Variants in HS6ST3 observed in about 807,000 individuals in gnomAD.
The protein encoded by HS6ST3 is heparan-sulfate 6-O-sulfotransferase 3.
Under a neutral mutation model 36.7 loss-of-function variants are expected in HS6ST3, and 12 were observed. That is an observed-to-expected ratio of 0.33 (90% CI 0.21 to 0.53). The LOEUF (loss-of-function observed/expected upper bound fraction) is 0.53, where lower values mean the gene tolerates loss of function less well. Among genes scored for constraint, HS6ST3 ranks in the 20% least tolerant of loss-of-function variants. HS6ST3 has a pLI of 0.95. For synonymous variants in HS6ST3, 240 were observed against 257.5 expected (o/e 0.93, Z 0.65); for missense variants, 584 against 640.9 (o/e 0.91, Z 0.96).
At chr13:96,697,623 G>GA (rs1426860334) in intron 1 of HS6ST3, among the ~76,000 whole-genome samples, 1 of 152,112 alleles carries the variant, frequency 6.6e-6, no homozygotes, top group African/African-American at 2.4e-5. Context: ...TGTCCAGATA[G>GA]AAAATGTTAA....
intron 1 of HS6ST3, among the ~76,000 whole-genome samples, chr13:96,196,390 G>C (rs1488512593): frequency 2.6e-5 from 4 of 152,116 alleles, no homozygotes; most frequent in Non-Finnish European, 5.9e-5. Context: ...TCTCCCCCGA[G>C]AATGTCTCCT....
intron 1 of HS6ST3, among the ~76,000 whole-genome samples, chr13:96,816,560 A>T (rs1461562309): frequency 1.3e-5 from 2 of 152,312 alleles, no homozygotes; most frequent in Middle Eastern, 3.4e-3. Context: ...TGAATGTGGA[A>T]GCATGATGCG....
At chr13:96,459,543 A>G (rs1041937043) in intron 1 of HS6ST3, among the ~76,000 whole-genome samples, 2 of 152,182 alleles carry the variant, frequency 1.3e-5, no homozygotes, top group African/African-American at 4.8e-5. Context: ...CTATCGGGGT[A>G]GGCACGCAGT....
At chr13:96,540,510 A>G (rs1594802910) in intron 1 of HS6ST3, among the ~76,000 whole-genome samples, 3 of 151,860 alleles carry the variant, frequency 2.0e-5, no homozygotes, top group Non-Finnish European at 2.9e-5. Flanking sequence ...ATGTCTTCCA[A>G]CCCTCCTCCC....
At chr13:96,535,642 G>A (rs148190749) in intron 1 of HS6ST3, among the ~76,000 whole-genome samples, 1 of 152,130 alleles carries the variant, frequency 6.6e-6, no homozygotes, top group East Asian at 1.9e-4. Context: ...TGGAGATCTG[G>A]TTCTTCATCA....
chr13:96,430,413 A>C (rs186894858), intron 1 of HS6ST3, among the ~76,000 whole-genome samples: 1 of 152,146 alleles, frequency 6.6e-6, no homozygotes, highest in Non-Finnish European at 1.5e-5. Context: ...ATACCTTTCC[A>C]GGACGGTGTC....
chr13:96,259,585 T>A (rs2139382211), intron 1 of HS6ST3, among the ~76,000 whole-genome samples: 1 of 152,306 alleles, frequency 6.6e-6, no homozygotes, highest in Non-Finnish European at 1.5e-5. Flanking sequence ...ACATTTTGTA[T>A]TTTCTTGTGA....
intron 1 of HS6ST3, among the ~76,000 whole-genome samples, chr13:96,710,044 C>T (rs1166215594): frequency 6.6e-6 from 1 of 152,180 alleles, no homozygotes; most frequent in Non-Finnish European, 1.5e-5. Context: ...TGTGCTGTTT[C>T]TCAGTCACCT....
chr13:96,415,317 T>C (rs1180717764), intron 1 of HS6ST3, among the ~76,000 whole-genome samples: 1 of 152,144 alleles, frequency 6.6e-6, no homozygotes, highest in Non-Finnish European at 1.5e-5. Context: ...CAGGAATCCA[T>C]GAGAAGCCCC....
In HS6ST3 at chr13:96,793,215, G is replaced by A. The variant is rs898250886; in HGVS notation, c.708-39275G>A. Among the ~76,000 whole-genome samples the A allele has an allele frequency of 1.2e-4, 18 of 152,040 alleles. 1 individual carries two copies. In the South Asian group the frequency reaches 2.7e-3, roughly 23 times the overall value. ...TGCCCTCTTTGTATCCTCTCACTCC[G>A]ACAGGCTGTACTGAGAAGAACAGCT... is the stretch of plus-strand genomic sequence containing the variant. On this transcript the variant is annotated intron_variant, in intron 1 of 1. Transcript: ENST00000376705.
intron 1 of HS6ST3, among the ~76,000 whole-genome samples, chr13:96,454,887 AC>A (rs1197873845): frequency 4.1e-5 from 6 of 145,424 alleles, no homozygotes; most frequent in African/African-American, 9.9e-5. Flanking sequence ...AAAAAAAAAA[AC>A]ATACGCCTTT....
At chr13:96,162,409 G>A (rs958371298) in intron 1 of HS6ST3, among the ~76,000 whole-genome samples, 5 of 152,158 alleles carry the variant, frequency 3.3e-5, no homozygotes, top group East Asian at 1.9e-4. Context: ...AGGCGACAGC[G>A]CCACTGAATA....
chr13:96,775,400 G>A (rs1307450300), intron 1 of HS6ST3, among the ~76,000 whole-genome samples: 1 of 151,850 alleles, frequency 6.6e-6, no homozygotes, highest in African/African-American at 2.4e-5. Flanking sequence ...ATTGGATAAC[G>A]AGTCAAGATC....
At chr13:96,621,849 G>A (rs947174342) in intron 1 of HS6ST3, among the ~76,000 whole-genome samples, 1 of 152,166 alleles carries the variant, frequency 6.6e-6, no homozygotes, top group African/African-American at 2.4e-5. Flanking sequence ...CCATTGCAAC[G>A]AGGGAGATCA....
intron 1 of HS6ST3, among the ~76,000 whole-genome samples, chr13:96,539,774 TC>T (rs894549427): frequency 8.5e-5 from 13 of 152,194 alleles, no homozygotes; most frequent in Admixed American, 4.6e-4. Flanking sequence ...GGTATTTAGT[TC>T]CCCCAGTGAA....
chr13:96,564,919 T>C (rs193006724), intron 1 of HS6ST3, among the ~76,000 whole-genome samples: 177 of 152,290 alleles, frequency 1.2e-3, no homozygotes, highest in African/African-American at 4.0e-3. Context: ...TTCACCTGTG[T>C]CTTTGATGAG....
At chr13:96,365,012 T>C (rs1014794778) in intron 1 of HS6ST3, among the ~76,000 whole-genome samples, 1 of 152,178 alleles carries the variant, frequency 6.6e-6, no homozygotes, top group Non-Finnish European at 1.5e-5. Flanking sequence ...AAGTGTCTAT[T>C]TGTTTTATTT....
chr13:96,329,144 A>C (rs1459871740), intron 1 of HS6ST3, among the ~76,000 whole-genome samples: 25 of 146,310 alleles, frequency 1.7e-4, no homozygotes, highest in South Asian at 4.5e-4. Flanking sequence ...TCCCGGATTC[A>C]TTAATTTTTT....
chr13:96,662,228 G>A (rs1209405458), intron 1 of HS6ST3, among the ~76,000 whole-genome samples: 1 of 152,094 alleles, frequency 6.6e-6, no homozygotes, highest in African/African-American at 2.4e-5. Context: ...TCTCAGGAAT[G>A]CCCGTGACTC....
Sources: gnomAD v4.1 joint callset for allele counts (sites outside exome capture counted in the v4.1 genomes callset) on GRCh38, gnomAD v4.1.1 for gene constraint, MANE v1.5 for transcripts, NCBI Gene and HGNC (gene_info 2026-07-23, HGNC 2026-07-21) for gene names.